The following DLC1 variants were observed in gnomAD, a reference collection of about 807,000 sequenced individuals.
DLC1 encodes the protein rho GTPase-activating protein 7.
A neutral mutation model predicts 140.3 loss-of-function variants in DLC1; 54 were observed. The observed-to-expected ratio is 0.38, with a 90% CI of 0.31 to 0.48. DLC1 has a LOEUF of 0.48. Ranked by LOEUF, DLC1 falls within the 20% of genes least tolerant of loss-of-function variation. DLC1 has a pLI of 0.96. For missense variants in DLC1, 2,536 were observed against 1,907.0 expected (o/e 1.33, Z -6.14); for synonymous variants, 986 against 728.1 (o/e 1.35, Z -5.70).
At chr8:13,169,321 C>G (rs1825306108) in intron 5 of DLC1, among the ~76,000 whole-genome samples, 1 of 152,130 alleles carries the variant, frequency 6.6e-6, no homozygotes, top group South Asian at 2.1e-4. Flanking sequence ...TAAATCCTGG[C>G]TTTCTTGTTG....
chr8:13,603,402 T>A (rs1671528031), intron 1 of DLC1, among the ~76,000 whole-genome samples: 1 of 151,432 alleles, frequency 6.6e-6, no homozygotes, highest in Non-Finnish European at 1.5e-5. Context: ...TTACTTTAAT[T>A]TTTTTTTAGA....
At chr8:13,254,762 G>T (rs1830148228) in intron 5 of DLC1, among the ~76,000 whole-genome samples, 1 of 151,392 alleles carries the variant, frequency 6.6e-6, no homozygotes, top group South Asian at 2.1e-4. Flanking sequence ...ATAGATAAAA[G>T]TTTCATGCAT....
intron 16 of DLC1, 117 bp from the exon 17 acceptor site, chr8:13,086,580 T>G (rs1250405624): frequency 8.5e-7 from 1 of 1,182,508 alleles, no homozygotes; most frequent in African/African-American, 1.5e-5. Flanking sequence ...GTGGCCATGC[T>G]GTGTGACCCA....
rs951023416 is a variant in DLC1 at position 13,547,323 on chromosome 8, A to G, written c.-125-47127T>C. ...AAAGCCTTTAGCATTATATCAAATG[A>G]CCGTCATATAGACTTGTGTAAGAGG... On this transcript the variant is annotated intron_variant, in intron 1 of 1. Coordinates refer to the DLC1 transcript ENST00000631382. 2.6e-5 allele frequency among the ~76,000 whole-genome samples: 4 copies of G among 152,146 alleles called. No homozygotes were observed. The East Asian group carries it at 5.8e-4, about 22-fold the overall frequency.
chr8:13,221,646 C>T (rs1195468643), intron 5 of DLC1, among the ~76,000 whole-genome samples: 7 of 148,404 alleles, frequency 4.7e-5, no homozygotes, highest in Middle Eastern at 3.2e-3. Flanking sequence ...GCTGGGATTA[C>T]GGGTGTGAGC....
chr8:13,593,587 A>G (rs1381145885), intron 1 of DLC1, among the ~76,000 whole-genome samples: 2 of 152,236 alleles, frequency 1.3e-5, no homozygotes, highest in East Asian at 3.9e-4. Flanking sequence ...TTGAATAACA[A>G]AGAAACCTTT....
intron 2 of DLC1, among the ~76,000 whole-genome samples, chr8:13,481,458 C>A (rs185548061): frequency 6.6e-6 from 1 of 152,078 alleles, no homozygotes; most frequent in Admixed American, 6.5e-5. Context: ...AACAAACAAA[C>A]AGAAGAATAA....
At chr8:13,443,331 T>C (rs940144051) in intron 2 of DLC1, among the ~76,000 whole-genome samples, 2 of 132,146 alleles carry the variant, frequency 1.5e-5, no homozygotes, top group Non-Finnish European at 3.1e-5. Flanking sequence ...TGTGCATATG[T>C]ACCCTAAAAC....
chr8:13,345,431 G>T (rs186723013), intron 4 of DLC1, among the ~76,000 whole-genome samples: 66 of 152,134 alleles, frequency 4.3e-4, no homozygotes, highest in Middle Eastern at 3.4e-3. Context: ...TGGCAATGAG[G>T]GAGGGAAGGA....
chr8:13,300,253 A>G (rs866652888), intron 5 of DLC1, among the ~76,000 whole-genome samples: 8 of 152,136 alleles, frequency 5.3e-5, no homozygotes, highest in African/African-American at 1.7e-4. Flanking sequence ...GGACACAGGG[A>G]GGGAACAACA....
Position 13,086,431 on chromosome 8 carries a change from C to T in DLC1, c.4325G>A (p.Cys1442Tyr), listed in dbSNP as rs774778702. The change falls in exon 17 of 18, where the codon TGT becomes TAT. Residue 1442 changes from cysteine (C) to tyrosine (Y), a missense_variant. Cys to Tyr is a radical substitution (Grantham distance 194). Coordinates refer to ENST00000276297, the MANE Select transcript of DLC1 (RefSeq NM_182643.3). ...TWRTNLPKGA[C>Y]ALLLTSVDHD... ...ATCCACAGAGGTTAGTAAAAGGGCA[C>T]AGGCTCCTTTGGGTAAATTAGTCCT... The T allele has an allele frequency of 1.9e-5, 31 of 1,614,112 alleles. 1 individual carries two copies. Among genetic ancestry groups the T allele is most frequent in the Middle Eastern group, 1.6e-4 (1 of 6,084 alleles).
At chr8:13,474,807 C>G (rs1800369559) in intron 2 of DLC1, among the ~76,000 whole-genome samples, 2 of 152,174 alleles carry the variant, frequency 1.3e-5, no homozygotes, top group South Asian at 4.1e-4. Flanking sequence ...GCCAATTTCT[C>G]CCATTTGGAA....
intron 2 of DLC1, among the ~76,000 whole-genome samples, chr8:13,461,038 C>T (rs149106912): frequency 6.6e-6 from 1 of 152,228 alleles, no homozygotes; most frequent in African/African-American, 2.4e-5. Flanking sequence ...CAGAGCAAGA[C>T]CCTGTCTTTA....
chr8:13,255,311 G>A (rs891075403), intron 5 of DLC1, among the ~76,000 whole-genome samples: 38 of 152,198 alleles, frequency 2.5e-4, no homozygotes, highest in African/African-American at 9.2e-4. Flanking sequence ...TTATCAAATG[G>A]GGATAGTAAG....
intron 5 of DLC1, among the ~76,000 whole-genome samples, chr8:13,197,358 T>A (rs1474185728): frequency 6.6e-6 from 1 of 151,936 alleles, no homozygotes; most frequent in African/African-American, 2.4e-5. Context: ...ATTCAATTTA[T>A]TTTTTTTGAG....
intron 5 of DLC1, among the ~76,000 whole-genome samples, chr8:13,218,646 G>C (rs1462034718): frequency 6.6e-6 from 1 of 151,314 alleles, no homozygotes; most frequent in Admixed American, 6.6e-5. Context: ...TGAGGAGGTA[G>C]AGAAACTGGT....
At chr8:13,410,614 C>A (rs1025364571) in intron 2 of DLC1, among the ~76,000 whole-genome samples, 1 of 150,974 alleles carries the variant, frequency 6.6e-6, no homozygotes, top group Non-Finnish European at 1.5e-5. Context: ...TATAAAATAC[C>A]TAGAAGTAAC....
At chr8:13,573,101 C>T (rs62493192) in intron 1 of DLC1, among the ~76,000 whole-genome samples, 14,353 of 152,188 alleles carry the variant, frequency 0.094, 938 homozygotes, top group East Asian at 0.25. Context: ...TTCCAATTCA[C>T]GCACATTGAT....
At chr8:13,403,947 G>A (rs289586) in intron 2 of DLC1, among the ~76,000 whole-genome samples, 117,616 of 151,566 alleles carry the variant, frequency 0.78, 46,849 homozygotes, top group East Asian at 0.98. Context: ...GTTTCTTAAT[G>A]CATATTGTGA....
Sources: gnomAD v4.1 joint callset for allele counts (sites outside exome capture counted in the v4.1 genomes callset) on GRCh38, gnomAD v4.1.1 for gene constraint, MANE v1.5 for transcripts, NCBI Gene and HGNC (gene_info 2026-07-23, HGNC 2026-07-21) for gene names.